Variants in CSTPP1 observed in about 807,000 individuals in gnomAD.
CSTPP1 encodes UPF0705 protein C11orf49.
At chr11:47,155,483 AC>A in the CSTPP1 span, 2 of 585,734 alleles carry the variant, frequency 3.4e-6, no homozygotes, top group African/African-American at 3.7e-5. Flanking sequence ...GACACTGAAC[AC>A]CGCAGTGTTT....
chr11:47,054,928 A>ATTTT, the CSTPP1 span, among the ~76,000 whole-genome samples: 11 of 68,784 alleles, frequency 1.6e-4, no homozygotes, highest in East Asian at 2.7e-3. Context: ...ATAAATTTCA[A>ATTTT]TTTTTTTTTT....
the CSTPP1 span, among the ~76,000 whole-genome samples, chr11:46,964,822 G>A: frequency 3.3e-5 from 5 of 152,144 alleles, no homozygotes; most frequent in African/African-American, 1.2e-4. Flanking sequence ...TATTGCCAGG[G>A]AACAAGGCTT....
At chr11:46,956,344 A>T in the CSTPP1 span, among the ~76,000 whole-genome samples, 1 of 152,244 alleles carries the variant, frequency 6.6e-6, no homozygotes, top group Non-Finnish European at 1.5e-5. Flanking sequence ...TCTGTCAAAG[A>T]TGCTTTGGCT....
the CSTPP1 span, among the ~76,000 whole-genome samples, chr11:47,109,590 G>C: frequency 6.6e-6 from 1 of 152,126 alleles, no homozygotes; most frequent in East Asian, 1.9e-4. Flanking sequence ...CCTGTCAGTC[G>C]GTGACTTGAA....
At chr11:47,069,161 T>C in the CSTPP1 span, among the ~76,000 whole-genome samples, 1 of 152,216 alleles carries the variant, frequency 6.6e-6, no homozygotes, top group Admixed American at 6.5e-5. Context: ...ATTTCTAAGC[T>C]TCTGTGGAAC....
the CSTPP1 span, among the ~76,000 whole-genome samples, chr11:46,992,904 T>C: frequency 1.3e-5 from 2 of 152,192 alleles, no homozygotes; most frequent in African/African-American, 4.8e-5. Flanking sequence ...CACCTGTTGT[T>C]TCCTGACTTT....
chr11:47,136,427 T>C, the CSTPP1 span, among the ~76,000 whole-genome samples: 1 of 152,290 alleles, frequency 6.6e-6, no homozygotes, highest in South Asian at 2.1e-4. Context: ...CTTTGACCTA[T>C]ATTGACGCTG....
At chr11:46,971,657 A>G in the CSTPP1 span, among the ~76,000 whole-genome samples, 1 of 151,546 alleles carries the variant, frequency 6.6e-6, no homozygotes, top group South Asian at 2.1e-4. Context: ...TTTTTTTTTT[A>G]AGTATTGCTG....
the CSTPP1 span, among the ~76,000 whole-genome samples, chr11:46,955,576 G>A: frequency 6.6e-6 from 1 of 151,714 alleles, no homozygotes; most frequent in Non-Finnish European, 1.5e-5. Context: ...TGTTGGCCAG[G>A]ATGGTTTTGA....
the CSTPP1 span, among the ~76,000 whole-genome samples, chr11:46,999,768 T>C: frequency 1.3e-5 from 2 of 152,238 alleles, no homozygotes; most frequent in African/African-American, 4.8e-5. Flanking sequence ...TATTTAGCCG[T>C]GGGTGATTTA....
chr11:47,046,886 T>C, the CSTPP1 span, among the ~76,000 whole-genome samples: 1 of 149,344 alleles, frequency 6.7e-6, no homozygotes, highest in Non-Finnish European at 1.5e-5. Flanking sequence ...GGCTGGTTGA[T>C]TGAACACAAT....
the CSTPP1 span, among the ~76,000 whole-genome samples, chr11:47,027,348 G>GT: frequency 3.3e-5 from 5 of 152,210 alleles, 1 homozygote; most frequent in East Asian, 7.7e-4. Flanking sequence ...CCCTGACAGG[G>GT]TTTTACCTGA....
the CSTPP1 span, among the ~76,000 whole-genome samples, chr11:46,939,706 T>C: frequency 6.6e-6 from 1 of 151,888 alleles, no homozygotes; most frequent in Non-Finnish European, 1.5e-5. Context: ...GCCTACCCCT[T>C]TGCCTCCATC....
At chr11:47,146,992 T>C in the CSTPP1 span, among the ~76,000 whole-genome samples, 1 of 152,182 alleles carries the variant, frequency 6.6e-6, no homozygotes, top group Admixed American at 6.5e-5. Flanking sequence ...TATAAAGACA[T>C]GCAGAGGAAT....
the CSTPP1 span, among the ~76,000 whole-genome samples, chr11:46,976,982 T>C: frequency 6.6e-6 from 1 of 152,362 alleles, no homozygotes; most frequent in South Asian, 2.1e-4. Flanking sequence ...TTTGAAGGAC[T>C]GGTCCTCAGC....
At chr11:47,116,991 A>C in the CSTPP1 span, among the ~76,000 whole-genome samples, 1 of 152,054 alleles carries the variant, frequency 6.6e-6, no homozygotes, top group South Asian at 2.1e-4. Context: ...TGTTTGGTAG[A>C]TCTTTCTCCA....
chr11:47,128,882 C>T, the CSTPP1 span, among the ~76,000 whole-genome samples: 1,013 of 152,080 alleles, frequency 6.7e-3, 11 homozygotes, highest in African/African-American at 0.024. Flanking sequence ...TAAACTTTTG[C>T]CCCCCTAAAA....
the CSTPP1 span, chr11:47,137,198 T>C: frequency 9.4e-7 from 1 of 1,064,216 alleles, no homozygotes. Flanking sequence ...CAAGACTGTT[T>C]GCGTTAGTAC....
the CSTPP1 span, chr11:47,155,666 A>G: frequency 4.7e-6 from 1 of 212,986 alleles, no homozygotes; most frequent in Non-Finnish European, 9.6e-6. Flanking sequence ...TCACAGAAGT[A>G]GTAGCCAGTC....
Sources: gnomAD v4.1 joint callset for allele counts (sites outside exome capture counted in the v4.1 genomes callset) on GRCh38, gnomAD v4.1.1 for gene constraint, MANE v1.5 for transcripts, NCBI Gene and HGNC (gene_info 2026-07-23, HGNC 2026-07-21) for gene names.